Variants in OPCML observed in about 807,000 individuals in gnomAD.
OPCML encodes the protein opioid binding protein/cell adhesion molecule like.
Under a neutral mutation model 37.8 loss-of-function variants are expected in OPCML, and 13 were observed. The observed-to-expected ratio is 0.34, with a 90% CI of 0.22 to 0.55. The LOEUF is 0.55. Ranked by LOEUF, OPCML falls within the 20% of genes least tolerant of loss-of-function variation. The pLI is 0.91. For synonymous variants in OPCML, 176 were observed against 168.8 expected (o/e 1.04, Z -0.33); for missense variants, 341 against 435.6 (o/e 0.78, Z 1.93).
intron 3 of OPCML, among the ~76,000 whole-genome samples, chr11:132,634,407 C>A (rs944837008): frequency 6.6e-6 from 1 of 152,190 alleles, no homozygotes; most frequent in Non-Finnish European, 1.5e-5. Context: ...ATATGACAGT[C>A]CCTAATAACT....
chr11:132,451,936 C>T (rs754292801), intron 4 of OPCML, among the ~76,000 whole-genome samples: 54 of 152,130 alleles, frequency 3.5e-4, no homozygotes, highest in Non-Finnish European at 6.8e-4. Flanking sequence ...AAACTCTGCC[C>T]TCACTGGATT....
chr11:133,403,694 T>A (rs777021301), intron 1 of OPCML, among the ~76,000 whole-genome samples: 1 of 152,250 alleles, frequency 6.6e-6, no homozygotes, highest in Non-Finnish European at 1.5e-5. Flanking sequence ...ACATGTTATA[T>A]CAAAATTGAA....
At position 133,233,378 on chromosome 11, in the gene OPCML, C is replaced by T. The variant is rs148125022; in HGVS notation, c.62-290368G>A. ...TCTCTGCCATCCCCCTTTCTGTCTA[C>T]GAGCAGGGCATAAGAGAAAGGTGCC... On this transcript the variant is annotated intron_variant, in intron 1 of 7. Transcript: ENST00000524381. Among the ~76,000 whole-genome samples the T allele has an allele frequency of 6.6e-5, 10 of 152,242 alleles. No individual in the cohort carries two copies. In the East Asian group the frequency reaches 9.7e-4, roughly 15 times the overall value.
At chr11:132,516,924 G>A (rs1246179450) in intron 4 of OPCML, among the ~76,000 whole-genome samples, 2 of 152,124 alleles carry the variant, frequency 1.3e-5, no homozygotes, top group Admixed American at 1.3e-4. Context: ...TGCCCACCCA[G>A]AGTTCTAAAT....
chr11:133,050,527 T>C (rs1948110201), intron 1 of OPCML, among the ~76,000 whole-genome samples: 1 of 152,118 alleles, frequency 6.6e-6, no homozygotes, highest in South Asian at 2.1e-4. Flanking sequence ...AGCCAATTTA[T>C]AATGTAAAAA....
At chr11:133,456,598 G>A (rs1946676202) in intron 1 of OPCML, among the ~76,000 whole-genome samples, 1 of 151,994 alleles carries the variant, frequency 6.6e-6, no homozygotes, top group South Asian at 2.1e-4. Flanking sequence ...GACTGTCCAG[G>A]AAAAGACTTC....
At chr11:132,938,543 T>C (rs1031318271) in intron 2 of OPCML, among the ~76,000 whole-genome samples, 5 of 152,254 alleles carry the variant, frequency 3.3e-5, no homozygotes, top group African/African-American at 4.8e-5. Flanking sequence ...TGCACACATA[T>C]GTTGCTTTAT....
chr11:133,497,714 G>A (rs1289012800), intron 1 of OPCML, among the ~76,000 whole-genome samples: 1 of 152,138 alleles, frequency 6.6e-6, no homozygotes, highest in Non-Finnish European at 1.5e-5. Context: ...GAAAAGGAAG[G>A]CCCCTTTAAA....
intron 3 of OPCML, among the ~76,000 whole-genome samples, chr11:132,597,258 T>C (rs1197470255): frequency 1.3e-5 from 2 of 152,236 alleles, no homozygotes; most frequent in African/African-American, 2.4e-5. Context: ...TTTCACAATA[T>C]GCTATGTGCA....
intron 2 of OPCML, among the ~76,000 whole-genome samples, chr11:132,762,517 G>A (rs995595854): frequency 2.6e-5 from 4 of 152,322 alleles, no homozygotes; most frequent in East Asian, 1.9e-4. Flanking sequence ...GCCCAGAGAG[G>A]AGGAATCTAG....
rs34411187 is a variant in OPCML at position 133,174,639 on chromosome 11, GAAAAA to G, written c.62-231634_62-231630del. Among the ~76,000 whole-genome samples the G allele has an allele frequency of 8.6e-6, 1 of 116,800 alleles. No homozygotes were observed. The highest frequency in any genetic ancestry group is 8.5e-5 in the Admixed American group (1 of 11,698). 76.6% of individuals were successfully genotyped at this position (116,800 alleles called of 152,430 possible). A position where few individuals can be genotyped will look rare whatever the true frequency, so the allele number is the denominator to read the frequency against. ...AAATGCTCATGGAATGCTGTTTAGT[GAAAAA>G]AAAAAAAAAAAAAAGCAGGGGGAAG... On this transcript the variant is annotated intron_variant, in intron 1 of 7. Coordinates refer to ENST00000524381, the MANE Select transcript of OPCML (RefSeq NM_001012393.5). The surrounding 1 kb of genome is among the most constrained non-coding windows in gnomAD (Gnocchi z 4.6).
intron 1 of OPCML, among the ~76,000 whole-genome samples, chr11:133,411,602 C>T (rs1945653641): frequency 6.6e-6 from 1 of 152,138 alleles, no homozygotes; most frequent in Non-Finnish European, 1.5e-5. Flanking sequence ...GTCTTCATGG[C>T]TTTCTCAGCT....
chr11:133,119,761 A>G (rs1340812381), intron 1 of OPCML, among the ~76,000 whole-genome samples: 1 of 152,224 alleles, frequency 6.6e-6, no homozygotes, highest in East Asian at 1.9e-4. Context: ...CAGTCAGAGA[A>G]GACAGGGGCA....
chr11:133,039,916 C>A lies in OPCML; in HGVS notation c.62-96906G>T, dbSNP rs61088956. 1.8e-3 allele frequency among the ~76,000 whole-genome samples: 279 copies of A among 151,984 alleles called. 1 individual carries two copies. The highest frequency in any genetic ancestry group is 6.4e-3 in the African/African-American group (266 of 41,486). Reference sequence around the variant, plus strand: ...TGGTGGTGGGCACCTGTAATCCCAGCTACTCGGGAGGCTGAGGCAGGAGAA... The same window carrying A: ...TGGTGGTGGGCACCTGTAATCCCAGATACTCGGGAGGCTGAGGCAGGAGAA... On this transcript the variant is annotated intron_variant, in intron 1 of 7. Coordinates refer to ENST00000524381, the MANE Select transcript of OPCML (RefSeq NM_001012393.5).
chr11:133,054,777 G>A (rs1465827568), intron 1 of OPCML, among the ~76,000 whole-genome samples: 1 of 152,150 alleles, frequency 6.6e-6, no homozygotes, highest in Non-Finnish European at 1.5e-5. Context: ...GCGAGATCCT[G>A]TGAAGGAGCT....
At chr11:132,825,138 C>T (rs1253325555) in intron 2 of OPCML, among the ~76,000 whole-genome samples, 1 of 152,162 alleles carries the variant, frequency 6.6e-6, no homozygotes, top group Non-Finnish European at 1.5e-5. Context: ...GATCATGAAC[C>T]TCATGATGGT....
At chr11:133,471,836 TAGAGA>T (rs1947123250) in intron 1 of OPCML, among the ~76,000 whole-genome samples, 1 of 151,634 alleles carries the variant, frequency 6.6e-6, no homozygotes, top group Non-Finnish European at 1.5e-5. Flanking sequence ...ACAGAGGGAG[TAGAGA>T]AAAGACACTT....
chr11:133,457,001 A>T lies in OPCML; in HGVS notation c.61+75263T>A, dbSNP rs151131770. Among the ~76,000 whole-genome samples the T allele has an allele frequency of 1.5e-3, 232 of 152,320 alleles. 1 individual carries two copies. Among genetic ancestry groups the T allele is most frequent in the Middle Eastern group, 6.8e-3 (2 of 294 alleles). On this transcript the variant is annotated intron_variant, in intron 1 of 7. Transcript: ENST00000524381. Reference sequence around the variant, plus strand: ...CACAAATGTGAAGATAAATACGGACACGCAAATACAAGAAGTCTAAGTAGG... The same window carrying T: ...CACAAATGTGAAGATAAATACGGACTCGCAAATACAAGAAGTCTAAGTAGG...
chr11:133,496,829 G>A (rs780003998), intron 1 of OPCML, among the ~76,000 whole-genome samples: 15 of 152,140 alleles, frequency 9.9e-5, no homozygotes, highest in Admixed American at 2.0e-4. Flanking sequence ...CAAGGTAAAC[G>A]ATTATATTGT....
Sources: allele counts gnomAD v4.1 joint callset (sites outside exome capture counted in the v4.1 genomes callset), GRCh38; gene constraint gnomAD v4.1.1; non-coding constraint Gnocchi (gnomAD v3.1); transcripts MANE v1.5; gene names NCBI Gene and HGNC (gene_info 2026-07-23, HGNC 2026-07-21).